The following NHSL1 variants were observed in gnomAD, a reference collection of about 807,000 sequenced individuals.
NHSL1 encodes the protein NHS-like protein 1.
Under a neutral mutation model 95.0 loss-of-function variants are expected in NHSL1, and 48 were observed. The observed-to-expected ratio is 0.51, with a 90% confidence interval of 0.40 to 0.64. The LOEUF (loss-of-function observed/expected upper bound fraction) is 0.64, where lower values mean the gene tolerates loss of function less well. Among genes scored for constraint, NHSL1 ranks in the 30% least tolerant of loss-of-function variants. The pLI, the probability that NHSL1 is intolerant of heterozygous loss-of-function variation, is 0.00. For missense variants in NHSL1, 1,971 were observed against 2,077.7 expected (o/e 0.95, Z 1.00); for synonymous variants, 783 against 833.9 (o/e 0.94, Z 1.05).
At chr6:138,634,492 A>G (rs773609200) in intron 1 of NHSL1, among the ~76,000 whole-genome samples, 1 of 152,308 alleles carries the variant, frequency 6.6e-6, no homozygotes, top group Middle Eastern at 3.4e-3. Flanking sequence ...AAAGGTGTCA[A>G]TTCAGCAAGA....
chr6:138,618,896 T>C (rs953142593), intron 1 of NHSL1, among the ~76,000 whole-genome samples: 22 of 152,224 alleles, frequency 1.4e-4, no homozygotes, highest in Non-Finnish European at 3.1e-4. Context: ...AGACCACATG[T>C]CATGACCCTC....
intron 1 of NHSL1, among the ~76,000 whole-genome samples, chr6:138,606,298 C>T (rs1417187011): frequency 2.0e-5 from 3 of 152,148 alleles, no homozygotes; most frequent in Admixed American, 2.0e-4. Context: ...TTTCCATCTG[C>T]GATAGAGTAT....
At chr6:138,571,635 G>A in intron 1 of NHSL1, 1 of 1,370,448 alleles carries the variant, frequency 7.3e-7, no homozygotes, top group Non-Finnish European at 1.0e-6. Flanking sequence ...AAATCATGAA[G>A]GGGGAGTGAT....
exon 1 of NHSL1, chr6:138,571,991 TC>T: frequency 1.8e-6 from 2 of 1,140,376 alleles, no homozygotes; most frequent in Non-Finnish European, 2.5e-6. Context: ...CCAGGTCCTC[TC>T]CACGAGCCTG....
upstream of NHSL1, among the ~76,000 whole-genome samples, chr6:138,502,150 A>G (rs1193423962): frequency 1.3e-5 from 2 of 152,212 alleles, no homozygotes; most frequent in African/African-American, 2.4e-5. Flanking sequence ...ACACTGCCAC[A>G]TAACACCATA....
chr6:138,522,605 C>T (rs908677182), intron 1 of NHSL1, among the ~76,000 whole-genome samples: 1 of 152,226 alleles, frequency 6.6e-6, no homozygotes, highest in African/African-American at 2.4e-5. Flanking sequence ...CACGCCATTA[C>T]ACTCCAGCCT....
chr6:138,439,798 A>G (rs2128212431), intron 5 of NHSL1, among the ~76,000 whole-genome samples: 1 of 151,838 alleles, frequency 6.6e-6, no homozygotes, highest in South Asian at 2.1e-4. Context: ...GGGGAAAGCT[A>G]TTTTCTTCCC....
intron 1 of NHSL1, among the ~76,000 whole-genome samples, chr6:138,517,516 G>A (rs1001857860): frequency 6.6e-6 from 1 of 152,160 alleles, no homozygotes; most frequent in African/African-American, 2.4e-5. Flanking sequence ...CAGTATTTAG[G>A]GAAAGAACAT....
At chr6:138,582,055 C>A (rs190849162) in intron 1 of NHSL1, among the ~76,000 whole-genome samples, 1 of 151,966 alleles carries the variant, frequency 6.6e-6, no homozygotes, top group South Asian at 2.1e-4. Flanking sequence ...CACCACCACA[C>A]CTGGCTAATT....
chr6:138,647,881 GAGCC>G (rs1181287723), intron 1 of NHSL1, among the ~76,000 whole-genome samples: 1 of 152,154 alleles, frequency 6.6e-6, no homozygotes, highest in Non-Finnish European at 1.5e-5. Flanking sequence ...TACAAGGCGT[GAGCC>G]ACTGCACCGG....
chr6:138,599,171 A>G (rs116647249), intron 1 of NHSL1, among the ~76,000 whole-genome samples: 1,762 of 152,342 alleles, frequency 0.012, 26 homozygotes, highest in African/African-American at 0.041. Flanking sequence ...ATTTTTTTCA[A>G]AACAAATTCT....
chr6:138,526,615 G>A (rs1409713986), intron 1 of NHSL1, among the ~76,000 whole-genome samples: 1 of 152,046 alleles, frequency 6.6e-6, no homozygotes, highest in African/African-American at 2.4e-5. Flanking sequence ...ACTCCAGTGG[G>A]TTTGCCATTT....
At chr6:138,684,768 A>G (rs1785563006) in intron 1 of NHSL1, among the ~76,000 whole-genome samples, 1 of 152,206 alleles carries the variant, frequency 6.6e-6, no homozygotes, top group African/African-American at 2.4e-5. Flanking sequence ...GCTGAAGTGC[A>G]CACTGTGACA....
intron 1 of NHSL1, among the ~76,000 whole-genome samples, chr6:138,626,636 G>A (rs1784741306): frequency 1.4e-5 from 1 of 71,376 alleles, no homozygotes; most frequent in African/African-American, 7.5e-5. Context: ...GCTCACGCCT[G>A]TAATCCCAGC....
intron 1 of NHSL1, among the ~76,000 whole-genome samples, chr6:138,528,248 C>T (rs751900419): frequency 1.3e-5 from 2 of 151,810 alleles, no homozygotes; most frequent in African/African-American, 4.8e-5. Context: ...AGGGAATAGC[C>T]AGAGTAACAG....
chr6:138,508,476 C>G (rs1781071468), intron 1 of NHSL1, among the ~76,000 whole-genome samples: 1 of 152,172 alleles, frequency 6.6e-6, no homozygotes, highest in Admixed American at 6.5e-5. Flanking sequence ...TCATAAGGAA[C>G]ATTTAAGACA....
chr6:138,479,101 CCA>C (rs554142210), intron 2 of NHSL1, among the ~76,000 whole-genome samples: 101 of 152,242 alleles, frequency 6.6e-4, no homozygotes, highest in African/African-American at 2.3e-3. Context: ...ATGCCTGAAA[CCA>C]CAGACAGTAC....
chr6:138,655,481 T>C (rs1785145351), intron 1 of NHSL1, among the ~76,000 whole-genome samples: 1 of 152,202 alleles, frequency 6.6e-6, no homozygotes, highest in Non-Finnish European at 1.5e-5. Context: ...GAAAAGTAGC[T>C]GCTTCATAAG....
In NHSL1 at chr6:138,652,440, CAA is replaced by C. The variant is rs898637244; in HGVS notation, c.96+40034_96+40035del. Among the ~76,000 whole-genome samples the C allele has an allele frequency of 9.0e-3, 780 of 86,462 alleles. 13 individuals carry two copies. In the East Asian group the frequency reaches 0.11, roughly 12 times the overall value. 56.7% of individuals were successfully genotyped at this position (86,462 alleles called of 152,430 possible). A position where few individuals can be genotyped will look rare whatever the true frequency, so the allele number is the denominator to read the frequency against. ...GGGCAACAAGAGTGAAACTCTATCT[CAA>C]AAAAAAAAAAAAAAAATTAAGGTAT... On this transcript the variant is annotated intron_variant, in intron 1 of 3. Transcript: ENST00000491526.
Sources: allele counts gnomAD v4.1 joint callset (sites outside exome capture counted in the v4.1 genomes callset), GRCh38; gene constraint gnomAD v4.1.1; transcripts MANE v1.5; gene names NCBI Gene and HGNC (gene_info 2026-07-23, HGNC 2026-07-21).